MCM10: variants seen among roughly 807,000 people sequenced by gnomAD.
MCM10 encodes the protein protein MCM10 homolog.
Under a neutral mutation model 109.9 loss-of-function variants are expected in MCM10, and 91 were observed. The ratio of observed to expected loss-of-function variants is 0.83; its 90% CI spans 0.70 to 0.99. The LOEUF is 0.99. Among genes scored for constraint, MCM10 ranks in the 50% least tolerant of loss-of-function variants. The pLI is 0.00. For synonymous variants in MCM10, 380 were observed against 387.2 expected (o/e 0.98, Z 0.22); for missense variants, 1,077 against 1,061.2 (o/e 1.01, Z -0.21).
At chr10:13,173,146 G>A (rs1212034468) in intron 5 of MCM10, among the ~76,000 whole-genome samples, 1 of 152,122 alleles carries the variant, frequency 6.6e-6, no homozygotes, top group Admixed American at 6.6e-5. Context: ...AGGCTAGAGT[G>A]AGCTGTCATC....
In MCM10 at chr10:13,172,898, A is replaced by T. The variant is rs2131560040; in HGVS notation, c.592+133A>T. Reference sequence around the variant, plus strand: ...CCATTGAGAAAGAAAGTTTCTTGGGAATGGAAGCCACATGATATATTTTGT... The same window carrying T: ...CCATTGAGAAAGAAAGTTTCTTGGGTATGGAAGCCACATGATATATTTTGT... On this transcript the variant is annotated intron_variant, in intron 5 of 19. Coordinates refer to ENST00000378714, the MANE Select transcript of MCM10 (RefSeq NM_018518.5). The surrounding 1 kb of genome is among the most constrained non-coding windows in gnomAD (Gnocchi z 5.2). The T allele has an allele frequency of 6.4e-6, 5 of 786,286 alleles. No individual in the cohort carries two copies. The highest frequency in any genetic ancestry group is 9.9e-6 in the Non-Finnish European group (5 of 505,948). 48.7% of individuals were successfully genotyped at this position (786,286 alleles called of 1,614,324 possible). A position where few individuals can be genotyped will look rare whatever the true frequency, so the allele number is the denominator to read the frequency against.
chr10:13,164,299 G>T (rs945421064), intron 2 of MCM10, 90 bp downstream of exon 2: 19 of 1,277,354 alleles, frequency 1.5e-5, no homozygotes, highest in Non-Finnish European at 1.9e-5. Flanking sequence ...GTAAAATGGT[G>T]AAAATGCTCC....
chr10:13,188,879 AGC>A lies in MCM10; in HGVS notation c.1216_1217del (p.Arg406Ter). The A allele has an allele frequency of 6.2e-7, 1 of 1,614,010 alleles. No homozygotes were observed. On this transcript the variant is annotated splice_acceptor_variant and coding_sequence_variant, in exon 10 of 20. Coordinates refer to ENST00000378714, the MANE Select transcript of MCM10 (RefSeq NM_018518.5). LOFTEE classifies it high-confidence loss of function. Reference sequence around the variant, plus strand: ...CTGATGCCACTGCTCTGCCTTTTGCAGCGTGACTGTGAGTACTGTCAGTACCA... The same window carrying A: ...CTGATGCCACTGCTCTGCCTTTTGCAGTGACTGTGAGTACTGTCAGTACCA...
At chr10:13,175,760 T>C in intron 6 of MCM10, 79 bp downstream of exon 6, 1 of 993,802 alleles carries the variant, frequency 1.0e-6, no homozygotes, top group East Asian at 2.4e-5. Flanking sequence ...AAGTAGTGTG[T>C]TTATACATCA....
At chr10:13,201,152 A>G (rs1295502174) in intron 16 of MCM10, among the ~76,000 whole-genome samples, 1 of 152,164 alleles carries the variant, frequency 6.6e-6, no homozygotes, top group African/African-American at 2.4e-5. Context: ...TCAAAAATAA[A>G]ATAAAATAAA....
chr10:13,200,021 C>A (rs1010560923), intron 16 of MCM10, among the ~76,000 whole-genome samples: 2 of 151,860 alleles, frequency 1.3e-5, no homozygotes, highest in African/African-American at 2.4e-5. Context: ...AGGTCTTTTT[C>A]TGTCCCCCAT....
intron 5 of MCM10, among the ~76,000 whole-genome samples, chr10:13,173,916 T>C (rs1834107731): frequency 6.6e-6 from 1 of 152,060 alleles, no homozygotes; most frequent in Admixed American, 6.5e-5. Flanking sequence ...AACAATCTTA[T>C]GAAAGAGAGA....
intron 18 of MCM10, among the ~76,000 whole-genome samples, chr10:13,207,927 C>G (rs1381646156): frequency 1.3e-5 from 2 of 148,740 alleles, no homozygotes; most frequent in African/African-American, 4.9e-5. Flanking sequence ...CCCACCCCAA[C>G]CCTCTGAAAT....
At chr10:13,176,149 A>T (rs1249840035) in intron 6 of MCM10, among the ~76,000 whole-genome samples, 2 of 151,926 alleles carry the variant, frequency 1.3e-5, no homozygotes, top group Non-Finnish European at 2.9e-5. Context: ...TTCTATTTCT[A>T]TTGATTCTTG....
At chr10:13,190,308 A>G (rs999123627) in intron 10 of MCM10, among the ~76,000 whole-genome samples, 1 of 152,252 alleles carries the variant, frequency 6.6e-6, no homozygotes, top group Non-Finnish European at 1.5e-5. Flanking sequence ...AAAACAATAC[A>G]TGTATATTAG....
chr10:13,183,255 A>C (rs550672583), intron 8 of MCM10, among the ~76,000 whole-genome samples, 155 bp downstream of exon 8: 26 of 152,324 alleles, frequency 1.7e-4, no homozygotes, highest in African/African-American at 5.5e-4. Flanking sequence ...CCAGGAGTTC[A>C]AGACCAGCCT....
chr10:13,198,492 T>G (rs971496106), intron 15 of MCM10, among the ~76,000 whole-genome samples, 197 bp from the exon 16 acceptor site: 2 of 152,340 alleles, frequency 1.3e-5, no homozygotes, highest in Non-Finnish European at 2.9e-5. Flanking sequence ...TGGTAAAATC[T>G]GCCACCACCC....
At chr10:13,191,217 T>G (rs1834342790) in intron 10 of MCM10, 82 bp from the exon 11 acceptor site, 3 of 903,036 alleles carry the variant, frequency 3.3e-6, no homozygotes, top group Non-Finnish European at 5.5e-6. Context: ...GTGTAATAAA[T>G]GATGATATCT....
chr10:13,197,655 C>T lies in MCM10; in HGVS notation c.2007C>T (p.Gly669=), dbSNP rs1834439409. 1 of 1,613,768 alleles carries T rather than the reference C, an allele frequency of 6.2e-7. No individual in the cohort carries two copies. The highest frequency in any genetic ancestry group is 1.3e-5 in the African/African-American group (1 of 74,878). The change falls in exon 15 of 20, where the codon GGC becomes GGT. Residue 669 remains glycine, a synonymous_variant. Transcript: ENST00000378714. ...LAAITKLRAK[G]QVLTKTNPNS... ...CTATCACCAAATTAAGGGCAAAAGG[C>T]CAGGTTCTTACAAAAACAAACCCAA...
chr10:13,172,225 A>G lies in MCM10; in HGVS notation c.350-151A>G, dbSNP rs1278880473. On this transcript the variant is annotated intron_variant, in intron 3 of 19. Transcript: ENST00000378714. This position sits in a 1 kb window ranked among gnomAD's most constrained non-coding sequence, Gnocchi z 5.2. ...CTCTAAGAGACCTCTTTGAAGTACC[A>G]AAGTTAATCATGAGCTTTGGGTATG... 3.1e-6 allele frequency: 2 copies of G among 646,112 alleles called. No individual in the cohort carries two copies. Among genetic ancestry groups the G allele is most frequent in the East Asian group, 2.6e-5 (1 of 38,578 alleles). The allele number at this position is 646,112 out of a possible 1,614,324, so 40.0% of individuals were successfully genotyped here. A position where few individuals can be genotyped will look rare whatever the true frequency, so the allele number is the denominator to read the frequency against.
rs1032870468 is a variant in MCM10 at position 13,173,402 on chromosome 10, A to T, written c.592+637A>T. Among the ~76,000 whole-genome samples the T allele has an allele frequency of 5.3e-5, 8 of 152,328 alleles. No homozygotes were observed. The South Asian group carries it at 1.7e-3, about 32-fold the overall frequency. ...ATTTGAAGCCAGGTCGTATCAAATCAAAAGGGCTGTTTTCTGGAAAAGACT... is the reference window on the plus strand; with the variant it reads ...ATTTGAAGCCAGGTCGTATCAAATCTAAAGGGCTGTTTTCTGGAAAAGACT... On this transcript the variant is annotated intron_variant, in intron 5 of 19. Coordinates refer to ENST00000378714, the MANE Select transcript of MCM10 (RefSeq NM_018518.5).
At chr10:13,170,509 G>A (rs1212022366) in intron 2 of MCM10, among the ~76,000 whole-genome samples, 4 of 152,080 alleles carry the variant, frequency 2.6e-5, no homozygotes, top group Admixed American at 6.5e-5. Flanking sequence ...TCATTGATTG[G>A]AGTAGAATGC....
chr10:13,180,903 A>T (rs1254901850), intron 7 of MCM10, among the ~76,000 whole-genome samples: 3 of 152,136 alleles, frequency 2.0e-5, no homozygotes, highest in Admixed American at 1.3e-4. Flanking sequence ...TGACACTGTG[A>T]TCTCTCCCAT....
At chr10:13,187,705 G>C (rs1452686150) in intron 9 of MCM10, among the ~76,000 whole-genome samples, 1 of 152,130 alleles carries the variant, frequency 6.6e-6, no homozygotes, top group Non-Finnish European at 1.5e-5. Flanking sequence ...TTAAATGACA[G>C]GTTTTGGTTT....
Sources: gnomAD v4.1 joint callset for allele counts (sites outside exome capture counted in the v4.1 genomes callset) on GRCh38, gnomAD v4.1.1 for gene constraint, Gnocchi (gnomAD v3.1) non-coding constraint, MANE v1.5 for transcripts, NCBI Gene and HGNC (gene_info 2026-07-23, HGNC 2026-07-21) for gene names.